Variants in TTC27 observed in about 807,000 individuals in gnomAD.
The protein encoded by TTC27 is tetratricopeptide repeat protein 27.
A neutral mutation model predicts 115.9 loss-of-function variants in TTC27; 79 were observed. The observed-to-expected ratio is 0.68, with a 90% CI of 0.57 to 0.82. The LOEUF (loss-of-function observed/expected upper bound fraction) is 0.82. Among genes scored for constraint, TTC27 ranks in the 40% least tolerant of loss-of-function variants. The pLI is 0.00. For synonymous variants in TTC27, 401 were observed against 356.0 expected, an observed-to-expected ratio of 1.13 and a Z score of -1.42; for missense variants, 1,054 against 993.1, an observed-to-expected ratio of 1.06 and a Z score of -0.82.
intron 10 of TTC27, 130 bp downstream of exon 10, chr2:32,703,050 G>T (rs891540926): frequency 1.4e-6 from 1 of 692,202 alleles, no homozygotes; most frequent in Non-Finnish European, 2.5e-6. Context: ...ACTGTTTAGA[G>T]AATAAGTTCT....
At chr2:32,635,348 C>T (rs11124286) in intron 3 of TTC27, 142,579 of 153,994 alleles carry the variant, frequency 0.93, 66,306 homozygotes, top group Non-Finnish European at 0.97. Flanking sequence ...ATCCAGAACT[C>T]GTGCAGCAAA....
chr2:32,630,696 GA>G lies in TTC27; in HGVS notation c.265del (p.Arg89AspfsTer4). The G allele has an allele frequency of 1.3e-6, 2 of 1,598,728 alleles. No homozygotes were observed. Among genetic ancestry groups the G allele is most frequent in the Non-Finnish European group, 1.7e-6 (2 of 1,175,112 alleles). ...TTACTCAACAGATTTGGACACAACG[GA>G]AAGGTAGAATTTTATTTGAAATTTT... ...LDYSTDLDTT[E>X]RQQLIFLLGV... On this transcript the variant is annotated frameshift_variant, in exon 2 of 20. Coordinates refer to ENST00000317907, the MANE Select transcript of TTC27 (RefSeq NM_017735.5). LOFTEE classifies it high-confidence loss of function.
intron 9 of TTC27, among the ~76,000 whole-genome samples, chr2:32,691,816 A>G (rs1193542890): frequency 6.6e-5 from 10 of 151,930 alleles, no homozygotes; most frequent in Non-Finnish European, 1.3e-4. Context: ...TGGCTCAATG[A>G]GTCACCTTTT....
At chr2:32,656,431 T>C (rs1665323679) in intron 5 of TTC27, among the ~76,000 whole-genome samples, 1 of 152,170 alleles carries the variant, frequency 6.6e-6, no homozygotes, top group Admixed American at 6.6e-5. Context: ...ACATGTACTA[T>C]GTGCAAGAGA....
At chr2:32,726,505 A>G (rs1013192260) in intron 10 of TTC27, among the ~76,000 whole-genome samples, 2 of 152,186 alleles carry the variant, frequency 1.3e-5, no homozygotes, top group Non-Finnish European at 2.9e-5. Flanking sequence ...TCTAGTTCCC[A>G]ACAAGTTCCT....
At chr2:32,751,689 A>T (rs1306038913) in intron 12 of TTC27, among the ~76,000 whole-genome samples, 1 of 152,230 alleles carries the variant, frequency 6.6e-6, no homozygotes, top group Non-Finnish European at 1.5e-5. Context: ...TCCCCAGGAT[A>T]CAATTATGTG....
intron 9 of TTC27, among the ~76,000 whole-genome samples, chr2:32,692,421 G>A (rs898413737): frequency 6.6e-6 from 1 of 152,066 alleles, no homozygotes; most frequent in African/African-American, 2.4e-5. Flanking sequence ...GCTGGGGGAA[G>A]GGGGATTGGG....
intron 4 of TTC27, among the ~76,000 whole-genome samples, chr2:32,648,429 AC>A (rs920459630): frequency 4.5e-5 from 4 of 88,378 alleles, no homozygotes; most frequent in Non-Finnish European, 6.9e-5. Context: ...TGCACCTGGC[AC>A]CCCCCCTTTT....
At chr2:32,792,508 G>T (rs201386108) in intron 16 of TTC27, among the ~76,000 whole-genome samples, 1 of 149,364 alleles carries the variant, frequency 6.7e-6, no homozygotes, top group Non-Finnish European at 1.5e-5. Context: ...GTTTTTTTTT[G>T]AAGGACTGAA....
chr2:32,726,661 A>G (rs988257703), intron 10 of TTC27, among the ~76,000 whole-genome samples: 1 of 152,072 alleles, frequency 6.6e-6, no homozygotes, highest in Non-Finnish European at 1.5e-5. Context: ...AACTGTTCCA[A>G]CTTCTGCCTG....
At chr2:32,780,718 A>T (rs1277216774) in intron 14 of TTC27, among the ~76,000 whole-genome samples, 1 of 152,054 alleles carries the variant, frequency 6.6e-6, no homozygotes, top group South Asian at 2.1e-4. Context: ...GGGATTACAG[A>T]TGTGAGCCAC....
chr2:32,795,725 G>GTATTATTATCATTATTATTAT (rs1670678977), intron 16 of TTC27, among the ~76,000 whole-genome samples: 1 of 138,696 alleles, frequency 7.2e-6, no homozygotes, highest in African/African-American at 2.7e-5. Flanking sequence ...GCTAATTTTT[G>GTATTATTATCATTATTATTAT]TATTATTATT....
chr2:32,793,683 C>T (rs1020831678), intron 16 of TTC27, among the ~76,000 whole-genome samples: 16 of 151,958 alleles, frequency 1.1e-4, no homozygotes, highest in South Asian at 2.1e-4. Context: ...CCACCACGCC[C>T]GGCTAATTTT....
At chr2:32,653,450 C>G (rs994246255) in intron 5 of TTC27, among the ~76,000 whole-genome samples, 1 of 151,836 alleles carries the variant, frequency 6.6e-6, no homozygotes, top group African/African-American at 2.4e-5. Flanking sequence ...AAAAATTAGC[C>G]GGACATTGTG....
At chr2:32,685,308 G>T (rs1220867758) in intron 9 of TTC27, among the ~76,000 whole-genome samples, 2 of 152,042 alleles carry the variant, frequency 1.3e-5, no homozygotes, top group Non-Finnish European at 2.9e-5. Context: ...GGGATTGCAG[G>T]CATGAGCCAC....
At chr2:32,638,999 A>G (rs1249313723) in intron 3 of TTC27, among the ~76,000 whole-genome samples, 8 of 151,922 alleles carry the variant, frequency 5.3e-5, no homozygotes, top group African/African-American at 1.9e-4. Flanking sequence ...CGCCCGGCTA[A>G]TTTTTTGTAG....
intron 10 of TTC27, among the ~76,000 whole-genome samples, chr2:32,724,388 G>A (rs555634912): frequency 2.0e-4 from 30 of 152,166 alleles, no homozygotes; most frequent in Non-Finnish European, 4.0e-4. Flanking sequence ...GGAAGGGCAG[G>A]GGAGTCAAAC....
At chr2:32,734,250 C>T (rs1324607624) in intron 11 of TTC27, among the ~76,000 whole-genome samples, 3 of 151,838 alleles carry the variant, frequency 2.0e-5, no homozygotes, top group Non-Finnish European at 4.4e-5. Context: ...GGTTGGAGTG[C>T]TGTGGCGATT....
chr2:32,807,435 TAAAC>T (rs1434464089), intron 16 of TTC27, among the ~76,000 whole-genome samples: 17 of 152,174 alleles, frequency 1.1e-4, no homozygotes, highest in Non-Finnish European at 2.1e-4. Flanking sequence ...ATTTTTTAAT[TAAAC>T]AAAATGAGGC....
Sources: gnomAD v4.1 joint callset for allele counts (sites outside exome capture counted in the v4.1 genomes callset) on GRCh38, gnomAD v4.1.1 for gene constraint, MANE v1.5 for transcripts, NCBI Gene and HGNC (gene_info 2026-07-23, HGNC 2026-07-21) for gene names.